Variants in DNAH8 observed in about 807,000 individuals in gnomAD.
The protein encoded by DNAH8 is axonemal beta dynein heavy chain 8.
Under a neutral mutation model 562.1 loss-of-function variants are expected in DNAH8, and 382 were observed. That is an observed-to-expected ratio of 0.68 (90% confidence interval 0.63 to 0.74). DNAH8 has a LOEUF of 0.74. DNAH8 is among the 30% of genes least tolerant of loss of function. The pLI is 0.00. For missense variants in DNAH8, 5,203 were observed against 5,620.4 expected (o/e 0.93, Z 2.37); for synonymous variants, 1,881 against 1,919.4 (o/e 0.98, Z 0.52).
rs543832354 is a variant in DNAH8, at chr6:38,832,349, G to C, written c.4216G>C (p.Val1406Leu). Residue 1406 changes from valine to leucine, a missense_variant, in exon 31 of 93, where the codon GTG becomes CTG. Val to Leu is a conservative substitution (Grantham distance 32). Around this residue, in one of 6 missense-constraint regions of DNAH8, gnomAD observed 2,176 missense variants for 2,365.1 expected, o/e 0.92. Transcript: ENST00000327475. Reference sequence around the variant, plus strand: ...TTCAGTACAAGAGGACCTAGTTCAAGTGCAGCCAAAGTTTAAAAGCAATCT... The same window carrying C: ...TTCAGTACAAGAGGACCTAGTTCAACTGCAGCCAAAGTTTAAAAGCAATCT... ...AVSVQEDLVQ[V>L]QPKFKSNLLE... 2 of 1,613,540 alleles carry C rather than the reference G, an allele frequency of 1.2e-6. No individual in the cohort carries two copies. Among genetic ancestry groups the C allele is most frequent in the African/African-American group, 2.7e-5 (2 of 75,038 alleles).
chr6:38,776,311 G>T (rs1678658), intron 13 of DNAH8, among the ~76,000 whole-genome samples: 15,022 of 150,678 alleles, frequency 0.1, 1,363 homozygotes, highest in East Asian at 0.44. Context: ...TCCACCTCCC[G>T]AGTTCAAGTG....
In DNAH8 at chr6:38,864,073, G is replaced by T. The variant is rs753520992; in HGVS notation, c.6498+13G>T. The T allele has an allele frequency of 3.1e-6, 5 of 1,599,626 alleles. No individual in the cohort carries two copies. Among genetic ancestry groups the T allele is most frequent in the South Asian group, 2.3e-5 (2 of 87,578 alleles). On this transcript the variant is annotated intron_variant, in intron 45 of 92. Transcript: ENST00000327475. ...CTTCTTAACGATGGTGAGAAAAAAG[G>T]CTTTAAATGCAATTTAATTAGTTTA...
chr6:38,774,730 G>T (rs1300395163), intron 12 of DNAH8, among the ~76,000 whole-genome samples: 1 of 152,220 alleles, frequency 6.6e-6, no homozygotes, highest in African/African-American at 2.4e-5. Context: ...AACAGAGCAA[G>T]CCAGTAGTAG....
At chr6:38,804,302 T>C (rs1771056446) in intron 22 of DNAH8, among the ~76,000 whole-genome samples, 1 of 152,224 alleles carries the variant, frequency 6.6e-6, no homozygotes, top group Admixed American at 6.5e-5. Flanking sequence ...TTTGCTCAGA[T>C]TATTGTCCTG....
At chr6:38,937,936 C>A in intron 77 of DNAH8, 38 bp from the exon 78 acceptor site, 1 of 1,599,734 alleles carries the variant, frequency 6.3e-7, no homozygotes, top group African/African-American at 1.3e-5. Context: ...GCAAGTTTCC[C>A]GTCTTGTGTA....
At chr6:39,017,158 C>A (rs899774858) in intron 91 of DNAH8, among the ~76,000 whole-genome samples, 2 of 151,948 alleles carry the variant, frequency 1.3e-5, no homozygotes, top group East Asian at 1.9e-4. Context: ...GCCAGGGGAA[C>A]CTTTGTGCTC....
At chr6:38,774,354 TGCAA>T (rs1767862677) in intron 12 of DNAH8, among the ~76,000 whole-genome samples, 5 of 151,936 alleles carry the variant, frequency 3.3e-5, no homozygotes, top group African/African-American at 1.2e-4. Flanking sequence ...CTGGAAAGGG[TGCAA>T]GGTTGGTGAG....
At chr6:38,951,253 T>G (rs746921613) in intron 81 of DNAH8, 65 bp from the exon 82 acceptor site, 1 of 1,374,252 alleles carries the variant, frequency 7.3e-7, no homozygotes, top group Non-Finnish European at 1.0e-6. Context: ...ATGTTTTTAC[T>G]TACTCAGATA....
At chr6:38,787,149 A>C (rs1769244899) in intron 18 of DNAH8, among the ~76,000 whole-genome samples, 197 bp downstream of exon 18, 2 of 152,248 alleles carry the variant, frequency 1.3e-5, no homozygotes, top group Non-Finnish European at 1.5e-5. Flanking sequence ...AAAAGTGAGA[A>C]GATTATCAGA....
chr6:38,730,101 A>G (rs1171264154), intron 4 of DNAH8, 115 bp downstream of exon 4: 1 of 588,288 alleles, frequency 1.7e-6, no homozygotes, highest in African/African-American at 1.9e-5. Context: ...TGTTACCAGA[A>G]GTTTATGTAT....
rs774794262 is a variant in DNAH8, at chr6:38,884,020, T to C, written c.8259+22T>C. The stretch of plus-strand genomic sequence containing the variant: ...TCAGGTATGGCTGAAATATCTCATA[T>C]AGATGATCCTGAATTTGTATTTTTA... On this transcript the variant is annotated intron_variant, in intron 56 of 92. Transcript: ENST00000327475. 15 of 1,441,048 alleles carry C rather than the reference T, an allele frequency of 1.0e-5. No individual in the cohort carries two copies. The South Asian group carries it at 2.3e-4, about 22-fold the overall frequency. 89.3% of individuals were successfully genotyped at this position (1,441,048 alleles called of 1,614,324 possible). A position where few individuals can be genotyped will look rare whatever the true frequency, so the allele number is the denominator to read the frequency against.
intron 15 of DNAH8, among the ~76,000 whole-genome samples, chr6:38,780,921 G>A (rs561821841): frequency 2.6e-5 from 4 of 152,060 alleles, no homozygotes; most frequent in African/African-American, 9.6e-5. Flanking sequence ...TAGTATTTTT[G>A]CCTATAGAAA....
At chr6:38,981,535 C>T (rs886295183) in intron 85 of DNAH8, among the ~76,000 whole-genome samples, 9 of 152,146 alleles carry the variant, frequency 5.9e-5, no homozygotes, top group African/African-American at 2.2e-4. Flanking sequence ...AAGACAGACA[C>T]GTCATGTATA....
In DNAH8 at chr6:39,030,586, T is replaced by G. The variant is rs1287397403; in HGVS notation, c.*194T>G. On this transcript the variant is annotated 3_prime_UTR_variant, in exon 93 of 93. Transcript: ENST00000327475. The stretch of plus-strand genomic sequence containing the variant: ...CAATATTCAAAAAGATAACTCTAAA[T>G]GAATGTTTTTTATTCTGGGAAATCA... 1 of 536,388 alleles carries G rather than the reference T, an allele frequency of 1.9e-6. No homozygotes were observed. Among genetic ancestry groups the G allele is most frequent in the East Asian group, 3.0e-5 (1 of 32,922 alleles). The allele number at this position is 536,388 out of a possible 1,614,324, so 33.2% of individuals were successfully genotyped here.
chr6:38,889,777 A>G (rs1228424151), intron 57 of DNAH8, among the ~76,000 whole-genome samples: 1 of 152,188 alleles, frequency 6.6e-6, no homozygotes. Context: ...ACCAACCATG[A>G]TTTGGAGGAA....
intron 14 of DNAH8, among the ~76,000 whole-genome samples, chr6:38,778,852 T>C (rs1224936965): frequency 6.6e-6 from 1 of 152,230 alleles, no homozygotes; most frequent in Non-Finnish European, 1.5e-5. Flanking sequence ...TCCAAAACTT[T>C]CCATTTTCCC....
chr6:38,855,715 T>C (rs1158686761), intron 41 of DNAH8, among the ~76,000 whole-genome samples: 2 of 152,128 alleles, frequency 1.3e-5, no homozygotes, highest in Admixed American at 1.3e-4. Flanking sequence ...TACAGTGGTA[T>C]AGAACAAGGG....
Position 38,883,373 on chromosome 6 carries a change from G to C in DNAH8, c.8053G>C (p.Ala2685Pro), listed in dbSNP as rs373111234. The C allele has an allele frequency of 2.5e-5, 41 of 1,612,968 alleles. No homozygotes were observed. The highest frequency in any genetic ancestry group is 5.1e-6 in the Non-Finnish European group (6 of 1,179,506). ...QGTAKTVMVK[A>P]YLKKYDPEVQ... ...AACTGCAAAAACTGTCATGGTTAAG[G>C]CCTATTTGAAAAAATATGATCCTGA... Residue 2685 changes from alanine (A) to proline (P), a missense_variant, in exon 55 of 93, where the codon GCC (alanine) becomes CCC (proline). By Grantham distance (27) the Ala-to-Pro change is conservative. Around this residue, in one of 6 missense-constraint regions of DNAH8, gnomAD observed 977 missense variants for 1,061.8 expected, o/e 0.92. Coordinates refer to ENST00000327475, the MANE Select transcript of DNAH8 (RefSeq NM_001206927.2).
At chr6:38,850,925 C>A (rs1019248498) in intron 38 of DNAH8, among the ~76,000 whole-genome samples, 5 of 152,174 alleles carry the variant, frequency 3.3e-5, no homozygotes, top group Admixed American at 2.6e-4. Flanking sequence ...CTGCAAAAGC[C>A]CTTTTTCCAA....
Sources: gnomAD v4.1 joint callset for allele counts (sites outside exome capture counted in the v4.1 genomes callset) on GRCh38, gnomAD v4.1.1 for gene constraint, gnomAD v4.1.1 regional missense constraint, MANE v1.5 for transcripts, NCBI Gene and HGNC (gene_info 2026-07-23, HGNC 2026-07-21) for gene names.